LRRC8E: variants seen among roughly 807,000 people sequenced by gnomAD.
LRRC8E encodes leucine rich repeat containing 8 VRAC subunit E.
Under a neutral mutation model 6.1 loss-of-function variants are expected in LRRC8E, and 6 were observed. That is an observed-to-expected ratio of 0.98 (90% CI 0.54 to 1.93). The LOEUF (loss-of-function observed/expected upper bound fraction) is 1.93. Ranked by LOEUF, LRRC8E falls within the 30% of genes most tolerant of loss-of-function variation. The pLI is 0.01. For synonymous variants in LRRC8E, 485 were observed against 472.8 expected (o/e 1.03, Z -0.33); for missense variants, 1,028 against 1,031.4 (o/e 1.00, Z 0.04).
Position 7,900,685 on chromosome 19 carries a change from C to T in LRRC8E, c.2163C>T (p.Cys721=). The part of the protein sequence containing the change: ...LEALPEELFF[C]RKLRTLLLGD... ...CCCTGCCCGAAGAGCTCTTCTTCTG[C>T]CGCAAGCTGCGGACGTTGCTTCTGG... Residue 721 remains cysteine, a synonymous_variant, in exon 3 of 3, where the codon TGC becomes TGT. Transcript: ENST00000306708. This position sits in a 1 kb window ranked among gnomAD's most constrained non-coding sequence, Gnocchi z 5.0. The T allele has an allele frequency of 6.2e-7, 1 of 1,613,478 alleles. No homozygotes were observed. The highest frequency in any genetic ancestry group is 2.2e-5 in the East Asian group (1 of 44,884).
At chr19:7,890,146 T>C (rs568615781) in intron 1 of LRRC8E, among the ~76,000 whole-genome samples, 4 of 152,210 alleles carry the variant, frequency 2.6e-5, no homozygotes, top group African/African-American at 9.6e-5. Flanking sequence ...TCCCTGCCTC[T>C]TAGCATGGGC....
rs150503907 is a variant in LRRC8E at position 7,899,992 on chromosome 19, C to G, written c.1470C>G (p.Arg490=). Residue 490 remains arginine, a synonymous_variant, in exon 3 of 3, where the codon CGC becomes CGG. Coordinates refer to ENST00000306708, the MANE Select transcript of LRRC8E (RefSeq NM_025061.6). ...TGCGGGACCACCTGAAGGTGATGCG[C>G]GTCAAATGCGAGGAGCTCCGCGAGG... is the stretch of plus-strand genomic sequence containing the variant. ...VFLRDHLKVM[R]VKCEELREVP... is the part of the protein sequence containing the mutation. The G allele has an allele frequency of 6.2e-7, 1 of 1,609,454 alleles. No homozygotes were observed. Among genetic ancestry groups the G allele is most frequent in the Admixed American group, 1.7e-5 (1 of 59,866 alleles).
intron 2 of LRRC8E, among the ~76,000 whole-genome samples, chr19:7,896,191 G>C (rs1981580017): frequency 6.6e-6 from 1 of 151,048 alleles, no homozygotes; most frequent in African/African-American, 2.4e-5. Context: ...CTGCCTGCCT[G>C]GGCCTCCCAA....
chr19:7,890,177 C>G lies in LRRC8E; in HGVS notation c.-6+1577C>G, dbSNP rs12610401. 1.4e-3 allele frequency among the ~76,000 whole-genome samples: 214 copies of G among 152,254 alleles called. 2 individuals carry two copies. In the East Asian group the frequency reaches 0.034, roughly 24 times the overall value. ...TGGGCTGTGGGTGTGGAGGGTCTCA[C>G]TCTCCCACCCTTCCCCCAGCAGGAA... On this transcript the variant is annotated intron_variant, in intron 1 of 2. Transcript: ENST00000306708.
At chr19:7,894,308 C>T (rs993535801) in intron 1 of LRRC8E, among the ~76,000 whole-genome samples, 2 of 152,210 alleles carry the variant, frequency 1.3e-5, no homozygotes, top group Admixed American at 6.5e-5. Context: ...TCACTGCCAC[C>T]TCTGCCTCCC....
Position 7,895,810 on chromosome 19 carries a change from C to A in LRRC8E, c.138+69C>A. The A allele has an allele frequency of 3.2e-6, 5 of 1,571,650 alleles. No individual in the cohort carries two copies. Among genetic ancestry groups the A allele is most frequent in the Non-Finnish European group, 4.4e-6 (5 of 1,148,820 alleles). ...GCAGGTGTCTGGGGAAGTCGGGAAG[C>A]CTTCTCATCACCCAAGAAAGAGAGG... is the stretch of plus-strand genomic sequence containing the variant. On this transcript the variant is annotated intron_variant, in intron 2 of 2. Coordinates refer to ENST00000306708, the MANE Select transcript of LRRC8E (RefSeq NM_025061.6). The surrounding 1 kb of genome is among the most constrained non-coding windows in gnomAD (Gnocchi z 4.7).
chr19:7,898,516 T>C (rs887218664), intron 2 of LRRC8E, 145 bp from the exon 3 acceptor site: 13 of 700,802 alleles, frequency 1.9e-5, no homozygotes, highest in African/African-American at 1.2e-4. Context: ...CCCACCACCA[T>C]GCCCGGCTAA....
At position 7,900,868 on chromosome 19, in the gene LRRC8E, C is replaced by G; in HGVS notation, c.2346C>G (p.Tyr782Ter). Reference sequence around the variant, plus strand: ...GGCTCCTGGTGGAAGACACGCTTTACCAGGGTCTGCCGGCAGAAGTGCGGG... The same window carrying G: ...GGCTCCTGGTGGAAGACACGCTTTAGCAGGGTCTGCCGGCAGAAGTGCGGG... ...KAGLLVEDTL[Y>*]QGLPAEVRDK... Residue 782 changes from tyrosine to a stop codon, truncating the protein, a stop_gained, in exon 3 of 3, where the codon TAC (tyrosine) becomes TAG (stop). Transcript: ENST00000306708. LOFTEE classifies it high-confidence loss of function. This position sits in a 1 kb window ranked among gnomAD's most constrained non-coding sequence, Gnocchi z 5.0. The G allele has an allele frequency of 6.5e-7, 1 of 1,538,446 alleles. No homozygotes were observed.
chr19:7,893,214 G>A (rs984944223), intron 1 of LRRC8E, among the ~76,000 whole-genome samples: 4 of 152,098 alleles, frequency 2.6e-5, no homozygotes, highest in Non-Finnish European at 5.9e-5. Flanking sequence ...CATCACGTTG[G>A]CCAGGCTGGT....
At chr19:7,889,125 C>G (rs1981170542) in intron 1 of LRRC8E, among the ~76,000 whole-genome samples, 1 of 152,164 alleles carries the variant, frequency 6.6e-6, no homozygotes, top group Non-Finnish European at 1.5e-5. Flanking sequence ...CACCCTCCCC[C>G]ACCCTAGACC....
chr19:7,899,074 G>C lies in LRRC8E; in HGVS notation c.552G>C (p.Ala184=), dbSNP rs761907012. ...QKGPAATERA[A]ATIVAMAGTG... is the part of the protein sequence containing the mutation. The stretch of plus-strand genomic sequence containing the variant: ...GCCCAGCAGCCACCGAACGGGCTGC[G>C]GCCACCATAGTGGCCATGGCAGGGA... The change falls in exon 3 of 3, where the codon GCG becomes GCC. Residue 184 remains alanine, a synonymous_variant. Coordinates refer to ENST00000306708, the MANE Select transcript of LRRC8E (RefSeq NM_025061.6). 1 of 1,612,784 alleles carries C rather than the reference G, an allele frequency of 6.2e-7. No individual in the cohort carries two copies. The highest frequency in any genetic ancestry group is 8.5e-7 in the Non-Finnish European group (1 of 1,179,286).
chr19:7,900,448 C>A lies in LRRC8E; in HGVS notation c.1926C>A (p.Ile642=), dbSNP rs374715506. ...LVTLRLWHNQ[I]AYVPEHVRKL... Reference sequence around the variant, plus strand: ...CGCTCAGGCTGTGGCACAACCAGATCGCCTACGTCCCTGAGCACGTGCGGA... The same window carrying A: ...CGCTCAGGCTGTGGCACAACCAGATAGCCTACGTCCCTGAGCACGTGCGGA... The change falls in exon 3 of 3, where the codon ATC becomes ATA. Residue 642 remains isoleucine (I), a synonymous_variant. Transcript: ENST00000306708. The surrounding 1 kb of genome is among the most constrained non-coding windows in gnomAD (Gnocchi z 5.0). 6.2e-7 allele frequency: 1 copy of A among 1,612,828 alleles called. No homozygotes were observed. Among genetic ancestry groups the A allele is most frequent in the Non-Finnish European group, 8.5e-7 (1 of 1,179,964 alleles).
rs118126220 is a variant in LRRC8E at position 7,892,785 on chromosome 19, C to G, written c.-5-2814C>G. Among the ~76,000 whole-genome samples, 46 of 152,272 alleles carry G rather than the reference C, an allele frequency of 3.0e-4. No individual in the cohort carries two copies. The East Asian group carries it at 5.4e-3, about 18-fold the overall frequency. On this transcript the variant is annotated intron_variant, in intron 1 of 2. Transcript: ENST00000306708. ...TTTCTACCAGATTACATACTGGTGA[C>G]CCAGGCAGACTGGGATATTTGTAGT...
Position 7,898,559 on chromosome 19 carries a change from A to T in LRRC8E, c.139-102A>T, listed in dbSNP as rs1981728009. The T allele has an allele frequency of 1.2e-5, 12 of 1,004,608 alleles. No homozygotes were observed. In the East Asian group the frequency reaches 2.9e-4, roughly 24 times the overall value. 62.2% of individuals were successfully genotyped at this position (1,004,608 alleles called of 1,614,324 possible). A position where few individuals can be genotyped will look rare whatever the true frequency, so the allele number is the denominator to read the frequency against. On this transcript the variant is annotated intron_variant, in intron 2 of 2. Coordinates refer to ENST00000306708, the MANE Select transcript of LRRC8E (RefSeq NM_025061.6). ...TTTTTAGTAGAGACAGGGTTTCACC[A>T]CGTTGGCCAGGCTGGTCTCGAACTC...
At chr19:7,896,330 T>C (rs1413899679) in intron 2 of LRRC8E, among the ~76,000 whole-genome samples, 2 of 151,202 alleles carry the variant, frequency 1.3e-5, no homozygotes, top group African/African-American at 4.9e-5. Context: ...TCCCAGCACT[T>C]TGGGAGGCCA....
chr19:7,889,360 C>G (rs746909841), intron 1 of LRRC8E, among the ~76,000 whole-genome samples: 1 of 148,756 alleles, frequency 6.7e-6, no homozygotes. Flanking sequence ...GAGTACTGCT[C>G]GGACCCAAGA....
In LRRC8E at chr19:7,895,224, T is replaced by G; in HGVS notation, c.-5-375T>G. Reference sequence around the variant, plus strand: ...TGCAGTCAGGGAGCATCGAGGCAGATGTTTTCAGGCCTTGGTGTCAGGGGT... The same window carrying G: ...TGCAGTCAGGGAGCATCGAGGCAGAGGTTTTCAGGCCTTGGTGTCAGGGGT... On this transcript the variant is annotated intron_variant, in intron 1 of 2. Transcript: ENST00000306708. This position sits in a 1 kb window ranked among gnomAD's most constrained non-coding sequence, Gnocchi z 4.7. 2.1e-5 allele frequency: 4 copies of G among 193,398 alleles called. No homozygotes were observed. Among genetic ancestry groups the G allele is most frequent in the Admixed American group, 5.2e-5 (1 of 19,346 alleles). 12.0% of individuals were successfully genotyped at this position (193,398 alleles called of 1,614,324 possible). A position where few individuals can be genotyped will look rare whatever the true frequency, so the allele number is the denominator to read the frequency against.
chr19:7,889,754 C>CTCT (rs1555697472), intron 1 of LRRC8E, among the ~76,000 whole-genome samples: 8 of 120,982 alleles, frequency 6.6e-5, no homozygotes, highest in East Asian at 2.2e-4. Flanking sequence ...CTCTCTCTCT[C>CTCT]TTTTTTTTTT....
Position 7,898,987 on chromosome 19 carries a change from G to A in LRRC8E, c.465G>A (p.Lys155=), listed in dbSNP as rs1281174062. The change falls in exon 3 of 3, where the codon AAG becomes AAA. Residue 155 remains lysine, a synonymous_variant. Coordinates refer to ENST00000306708, the MANE Select transcript of LRRC8E (RefSeq NM_025061.6). ...AACACTTCATCTCCATCCTGGGCAAGTGTTTCGACTCTCCATGGACCACCA... is the reference window on the plus strand; with the variant it reads ...AACACTTCATCTCCATCCTGGGCAAATGTTTCGACTCTCCATGGACCACCA... ...KIEHFISILG[K]CFDSPWTTRA... is the part of the protein sequence containing the mutation. The A allele has an allele frequency of 6.2e-7, 1 of 1,613,986 alleles. No individual in the cohort carries two copies. The highest frequency in any genetic ancestry group is 2.2e-5 in the East Asian group (1 of 44,896).
Sources: allele counts gnomAD v4.1 joint callset (sites outside exome capture counted in the v4.1 genomes callset), GRCh38; gene constraint gnomAD v4.1.1; non-coding constraint Gnocchi (gnomAD v3.1); transcripts MANE v1.5; gene names NCBI Gene and HGNC (gene_info 2026-07-23, HGNC 2026-07-21).